Variants in ABCA6 observed in about 807,000 individuals in gnomAD.
The protein encoded by ABCA6 is ATP-binding cassette sub-family A member 6.
In ABCA6, 164 loss-of-function variants were observed where a neutral mutation model predicts 191.2. The ratio of observed to expected loss-of-function variants is 0.86; its 90% CI spans 0.76 to 0.98. ABCA6 has a LOEUF of 0.98. Among genes scored for constraint, ABCA6 ranks in the 50% least tolerant of loss-of-function variants. The pLI is 0.00. For missense variants in ABCA6, 1,958 were observed against 1,894.1 expected (o/e 1.03, Z -0.63); for synonymous variants, 636 against 647.7 (o/e 0.98, Z 0.27).
At chr17:69,087,668 T>C in intron 28 of ABCA6, 195 bp from the exon 29 acceptor site, 1 of 641,622 alleles carries the variant, frequency 1.6e-6, no homozygotes, top group Non-Finnish European at 2.6e-6. Flanking sequence ...CTTAATGTTG[T>C]TGCCATTCTT....
At chr17:69,110,663 T>C in intron 17 of ABCA6, 138 bp downstream of exon 17, 1 of 961,814 alleles carries the variant, frequency 1.0e-6, no homozygotes, top group Non-Finnish European at 1.5e-6. Flanking sequence ...TGGCACTCAA[T>C]CCTTCCTCTT....
chr17:69,133,528 A>G (rs1167414995), intron 6 of ABCA6, 113 bp downstream of exon 6: 2 of 791,928 alleles, frequency 2.5e-6, no homozygotes, highest in Non-Finnish European at 4.0e-6. Flanking sequence ...GAACAAAAGA[A>G]AAAGTAGCCA....
At chr17:69,114,481 G>C (rs4968837) in intron 13 of ABCA6, among the ~76,000 whole-genome samples, 11,048 of 151,876 alleles carry the variant, frequency 0.073, 537 homozygotes, top group Admixed American at 0.15. Context: ...GAGTTACTGG[G>C]TGCAGCACAC....
rs2073280252 is a variant in ABCA6 at position 69,105,554 on chromosome 17, A to G, written c.2648T>C (p.Ile883Thr). 1.3e-6 allele frequency: 2 copies of G among 1,593,330 alleles called. No homozygotes were observed. The highest frequency in any genetic ancestry group is 2.7e-5 in the African/African-American group (2 of 74,678). Residue 883 changes from isoleucine (I) to threonine (T), a missense_variant, in exon 20 of 39, where the codon ATC becomes ACC. Physicochemically the swap from Ile to Thr is moderately conservative, Grantham distance 89. Transcript: ENST00000284425. Reference sequence around the variant, plus strand: ...CAATTCGTTTTTAAATTCCCAATCGATCTTTTCATTTAACATAGCATACAT... The same window carrying G: ...CAATTCGTTTTTAAATTCCCAATCGGTCTTTTCATTTAACATAGCATACAT... ...NIMYAMLNEK[I>T]DWEFKNELYF...
In ABCA6 at chr17:69,081,163, T is replaced by C. The variant is rs1462821771; in HGVS notation, c.4617-18A>G. The C allele has an allele frequency of 1.4e-6, 2 of 1,476,146 alleles. No individual in the cohort carries two copies. The highest frequency in any genetic ancestry group is 2.8e-5 in the African/African-American group (2 of 71,704). The allele number at this position is 1,476,146 out of a possible 1,614,324, so 91.4% of individuals were successfully genotyped here. Reference sequence around the variant, plus strand: ...AGGAATACCTGAAAACAGGAAGATGTCGTTTTCAGCTCTGAGTTTCAAGGG... The same window carrying C: ...AGGAATACCTGAAAACAGGAAGATGCCGTTTTCAGCTCTGAGTTTCAAGGG... On this transcript the variant is annotated intron_variant, in intron 36 of 38. Coordinates refer to ENST00000284425, the MANE Select transcript of ABCA6 (RefSeq NM_080284.3).
In ABCA6 at chr17:69,101,134, A is replaced by G. The variant is rs115922002; in HGVS notation, c.2875-200T>C. On this transcript the variant is annotated intron_variant, in intron 21 of 38. Coordinates refer to ENST00000284425, the MANE Select transcript of ABCA6 (RefSeq NM_080284.3). ...TGTTATAGGGCTTAAATGACACTCT[A>G]TTCATGTACATTAAGCTCTAGCACA... Among the ~76,000 whole-genome samples, 304 of 152,326 alleles carry G rather than the reference A, an allele frequency of 2.0e-3. 3 individuals carry two copies. Among genetic ancestry groups the G allele is most frequent in the African/African-American group, 7.0e-3 (293 of 41,584 alleles).
At chr17:69,113,855 C>T (rs2073482628) in intron 13 of ABCA6, 118 bp from the exon 14 acceptor site, 7 of 776,500 alleles carry the variant, frequency 9.0e-6, no homozygotes, top group South Asian at 7.0e-5. Flanking sequence ...AAATCAAAAC[C>T]ACAATGAGAT....
chr17:69,118,518 T>G (rs923288640), intron 10 of ABCA6, among the ~76,000 whole-genome samples: 3 of 152,054 alleles, frequency 2.0e-5, no homozygotes, highest in Admixed American at 1.3e-4. Flanking sequence ...CCTCTTCAAT[T>G]GCACTCTGAT....
intron 6 of ABCA6, among the ~76,000 whole-genome samples, chr17:69,131,870 T>C (rs2073867993): frequency 6.6e-6 from 1 of 152,182 alleles, no homozygotes; most frequent in African/African-American, 2.4e-5. Flanking sequence ...CTCCCTGGTC[T>C]CAGGTGACTG....
rs775408775 is a variant in ABCA6, at chr17:69,114,922, T to C, written c.1622A>G (p.Tyr541Cys). 6.6e-5 allele frequency: 106 copies of C among 1,609,794 alleles called. No homozygotes were observed. The highest frequency in any genetic ancestry group is 5.2e-4 in the South Asian group (47 of 90,684). Residue 541 changes from tyrosine to cysteine, a missense_variant, in exon 13 of 39, where the codon TAT becomes TGT. By Grantham distance (194) the Tyr-to-Cys change is radical (BLOSUM62 -2). Transcript: ENST00000284425. ...SVPTEGSVTI[Y>C]NKNLSEMQDL... ...TTGCATTTCAGAGAGATTTTTATTA[T>C]AGATGGTAACTGATCCTAAGAATAG...
rs745852165 is a variant in ABCA6, at chr17:69,114,908, A to T, written c.1636T>A (p.Ser546Thr). The T allele has an allele frequency of 6.2e-7, 1 of 1,611,502 alleles. No homozygotes were observed. Among genetic ancestry groups the T allele is most frequent in the East Asian group, 2.2e-5 (1 of 44,764 alleles). Residue 546 changes from serine to threonine, a missense_variant, in exon 13 of 39, where the codon TCT becomes ACT. Ser to Thr is a moderately conservative substitution (Grantham distance 58). Transcript: ENST00000284425. ...ATTTCCTCCAAGTCTTGCATTTCAG[A>T]GAGATTTTTATTATAGATGGTAACT... ...GSVTIYNKNL[S>T]EMQDLEEIRK...
At chr17:69,079,500 T>C (rs576641358) in intron 37 of ABCA6, among the ~76,000 whole-genome samples, 2 of 152,372 alleles carry the variant, frequency 1.3e-5, no homozygotes, top group Admixed American at 1.3e-4. Context: ...TGTTTTGGTA[T>C]TGCGTGCGTA....
intron 29 of ABCA6, among the ~76,000 whole-genome samples, chr17:69,087,152 T>C (rs1182035006): frequency 1.3e-5 from 2 of 152,230 alleles, no homozygotes; most frequent in African/African-American, 4.8e-5. Flanking sequence ...CATTAGGTTT[T>C]GTGTTCTTTT....
chr17:69,090,459 T>C (rs947392819), intron 26 of ABCA6, among the ~76,000 whole-genome samples: 4 of 152,204 alleles, frequency 2.6e-5, no homozygotes, highest in African/African-American at 9.6e-5. Flanking sequence ...TTATTATTCA[T>C]CCTTTAGCCA....
At chr17:69,120,815 A>AT (rs2073626304) in intron 10 of ABCA6, among the ~76,000 whole-genome samples, 2 of 152,074 alleles carry the variant, frequency 1.3e-5, no homozygotes, top group Non-Finnish European at 2.9e-5. Flanking sequence ...TAGTTACAGG[A>AT]ATGCACATAT....
intron 25 of ABCA6, among the ~76,000 whole-genome samples, chr17:69,092,015 A>G (rs946355483): frequency 2.0e-5 from 3 of 152,106 alleles, no homozygotes; most frequent in East Asian, 1.9e-4. Context: ...GAGCTTTCTC[A>G]TTGTCCTTCC....
intron 28 of ABCA6, 124 bp from the exon 29 acceptor site, chr17:69,087,597 G>A: frequency 7.7e-7 from 1 of 1,292,942 alleles, no homozygotes; most frequent in Non-Finnish European, 1.1e-6. Context: ...ATGTGATGAT[G>A]ACTGTCAATA....
chr17:69,114,857 G>A lies in ABCA6; in HGVS notation c.1687C>T (p.Gln563Ter), dbSNP rs1334992136. The A allele has an allele frequency of 6.2e-6, 10 of 1,612,578 alleles. No individual in the cohort carries two copies. Among genetic ancestry groups the A allele is most frequent in the Non-Finnish European group, 8.5e-6 (10 of 1,179,054 alleles). Reference protein sequence around the residue: ...EIRKITGVCPQFNVQFDILTV... With the variant: ...EIRKITGVCP ...AGTATGTCAAATTGAACATTGAATT[G>A]AGGACAGACGCCAGTTATCTTTCTG... The change falls in exon 13 of 39, where the codon CAA becomes TAA. Residue 563 changes from glutamine (Q) to a stop codon, truncating the protein, a stop_gained. Transcript: ENST00000284425. LOFTEE classifies it high-confidence loss of function.
At chr17:69,132,497 T>C (rs908295251) in intron 6 of ABCA6, among the ~76,000 whole-genome samples, 1 of 152,140 alleles carries the variant, frequency 6.6e-6, no homozygotes, top group Non-Finnish European at 1.5e-5. Context: ...TGTTTGTTTG[T>C]TTTTATGGAG....
Sources: gnomAD v4.1 joint callset for allele counts (sites outside exome capture counted in the v4.1 genomes callset) on GRCh38, gnomAD v4.1.1 for gene constraint, MANE v1.5 for transcripts, NCBI Gene and HGNC (gene_info 2026-07-23, HGNC 2026-07-21) for gene names.